The following CYSLTR2 variants were observed in gnomAD, a reference collection of about 807,000 sequenced individuals.
CYSLTR2 encodes the protein cysteinyl leukotriene receptor 2, also known as G-protein coupled receptor GPCR21.
For missense variants in CYSLTR2, 398 were observed against 411.9 expected, an observed-to-expected ratio of 0.97 and a Z score of 0.29; for synonymous variants, 179 against 160.8, an observed-to-expected ratio of 1.11 and a Z score of -0.86.
Position 48,670,616 on chromosome 13 carries a change from T to C in CYSLTR2, c.-266+16599T>C, listed in dbSNP as rs145374769. 6.1e-3 allele frequency among the ~76,000 whole-genome samples: 923 copies of C among 152,342 alleles called. 12 individuals are homozygous for C. The highest frequency in any genetic ancestry group is 0.021 in the African/African-American group (859 of 41,568). The stretch of plus-strand genomic sequence containing the variant: ...TGTGTGGTGTTATTTCTGAGGCCTA[T>C]GTTCTGTTCCATTGGTCTATACATC... On this transcript the variant is annotated intron_variant, in intron 1 of 4. Coordinates refer to ENST00000682523, the MANE Select transcript of CYSLTR2 (RefSeq NM_001308476.3).
At chr13:48,683,020 G>T (rs1173979765) in intron 1 of CYSLTR2, among the ~76,000 whole-genome samples, 6 of 151,976 alleles carry the variant, frequency 3.9e-5, no homozygotes. Flanking sequence ...AAGGATAATG[G>T]CCCCCAGCTC....
At chr13:48,673,603 G>A (rs1052719017) in intron 1 of CYSLTR2, among the ~76,000 whole-genome samples, 4 of 151,788 alleles carry the variant, frequency 2.6e-5, no homozygotes, top group East Asian at 1.9e-4. Context: ...CTTTTAATTG[G>A]GGCATTTAGC....
rs142411394 is a variant in CYSLTR2, at chr13:48,668,771, C to T, written c.-266+14754C>T. Among the ~76,000 whole-genome samples, 987 of 152,086 alleles carry T rather than the reference C, an allele frequency of 6.5e-3. 16 individuals carry two copies. Among genetic ancestry groups the T allele is most frequent in the African/African-American group, 0.022 (918 of 41,488 alleles). On this transcript the variant is annotated intron_variant, in intron 1 of 4. Coordinates refer to ENST00000682523, the MANE Select transcript of CYSLTR2 (RefSeq NM_001308476.3). ...ATCCCTCCCCTTGTCCCCCAACCCC[C>T]GACAGGCTCTGATGTGTGATGTTCC...
At chr13:48,699,161 G>A (rs556189956) in intron 4 of CYSLTR2, among the ~76,000 whole-genome samples, 10 of 152,198 alleles carry the variant, frequency 6.6e-5, no homozygotes, top group East Asian at 1.9e-4. Flanking sequence ...TCAGCTCTGC[G>A]CAAAGTGAAC....
chr13:48,702,449 T>C (rs553627494), intron 4 of CYSLTR2, among the ~76,000 whole-genome samples: 4 of 152,270 alleles, frequency 2.6e-5, no homozygotes, highest in African/African-American at 9.6e-5. Context: ...ATGAAGTCCA[T>C]GCTGCATTTT....
intron 4 of CYSLTR2, among the ~76,000 whole-genome samples, chr13:48,699,278 C>A (rs1954278428): frequency 6.6e-6 from 1 of 152,180 alleles, no homozygotes; most frequent in African/African-American, 2.4e-5. Flanking sequence ...GGAAGTAAAG[C>A]ACTCCTCAGC....
At chr13:48,669,462 G>A (rs554846209) in intron 1 of CYSLTR2, among the ~76,000 whole-genome samples, 1 of 151,382 alleles carries the variant, frequency 6.6e-6, no homozygotes, top group South Asian at 2.1e-4. Flanking sequence ...AGTGTGTGAT[G>A]TTCCCCTCCC....
intron 1 of CYSLTR2, among the ~76,000 whole-genome samples, chr13:48,654,251 TTGTGTGTGTGTGTGTGTGTGTGTGTG>T (rs372575519): frequency 5.4e-5 from 7 of 129,308 alleles, no homozygotes; most frequent in Admixed American, 1.6e-4. Context: ...GATCGTCCCT[TTGTGTGTGTGTGTGTGTGTGTGTGTG>T]TGTGTGTGTG....
intron 4 of CYSLTR2, among the ~76,000 whole-genome samples, chr13:48,702,880 G>A (rs140768537): frequency 4.9e-4 from 74 of 152,166 alleles, no homozygotes; most frequent in Non-Finnish European, 9.0e-4. Flanking sequence ...ATAAATCTGG[G>A]GAGAATTGAC....
intron 1 of CYSLTR2, among the ~76,000 whole-genome samples, chr13:48,679,276 TCCC>T (rs1267846989): frequency 6.6e-6 from 1 of 152,106 alleles, no homozygotes; most frequent in African/African-American, 2.4e-5. Flanking sequence ...GTGTGGCCCC[TCCC>T]CTGCATTCTC....
Position 48,711,120 on chromosome 13 carries a change from G to T in CYSLTR2, c.*3262G>T, listed in dbSNP as rs1954619801. On this transcript the variant is annotated 3_prime_UTR_variant, in exon 5 of 5. Transcript: ENST00000682523. ...CCTCTATGGAGAAGCTGGGGTGGGA[G>T]GATAGGGTGGGGACTTATTTTACGA... 1 of 152,136 alleles carries T rather than the reference G, an allele frequency of 6.6e-6. No individual in the cohort carries two copies. The highest frequency in any genetic ancestry group is 2.4e-5 in the African/African-American group (1 of 41,418). The allele number at this position is 152,136 out of a possible 1,614,324, so 9.4% of individuals were successfully genotyped here.
intron 1 of CYSLTR2, among the ~76,000 whole-genome samples, chr13:48,668,084 T>C (rs1478112810): frequency 6.6e-6 from 1 of 152,190 alleles, no homozygotes; most frequent in East Asian, 1.9e-4. Context: ...CAGAATAGGG[T>C]ATGCAAAATC....
chr13:48,707,688 C>A lies in CYSLTR2; in HGVS notation c.871C>A (p.Leu291Met). Residue 291 changes from leucine to methionine, a missense_variant, in exon 5 of 5, where the codon CTG becomes ATG. Leu to Met is a conservative substitution (Grantham distance 15, BLOSUM62 2). Transcript: ENST00000682523. Reference sequence around the variant, plus strand: ...ACTGCATAAAGCTTTGGTTATCACACTGGCCTTGGCAGCAGCCAATGCCTG... The same window carrying A: ...ACTGCATAAAGCTTTGGTTATCACAATGGCCTTGGCAGCAGCCAATGCCTG... ...DRLHKALVIT[L>M]ALAAANACFN... The A allele has an allele frequency of 6.2e-7, 1 of 1,613,912 alleles. No homozygotes were observed. Among genetic ancestry groups the A allele is most frequent in the South Asian group, 1.1e-5 (1 of 91,076 alleles).
At position 48,685,006 on chromosome 13, in the gene CYSLTR2, C is replaced by T. The variant is rs374998802; in HGVS notation, c.-265-6206C>T. The stretch of plus-strand genomic sequence containing the variant: ...AGGAGGGATTCTTCCCCAGAGCCTT[C>T]GAAGGAAGCACAGCCCTGCTGTATT... On this transcript the variant is annotated intron_variant, in intron 1 of 4. Coordinates refer to ENST00000682523, the MANE Select transcript of CYSLTR2 (RefSeq NM_001308476.3). Among the ~76,000 whole-genome samples the T allele has an allele frequency of 2.5e-4, 38 of 152,272 alleles. No homozygotes were observed. In the East Asian group the frequency reaches 3.3e-3, roughly 13 times the overall value.
At chr13:48,705,614 T>A in intron 4 of CYSLTR2, among the ~76,000 whole-genome samples, 1 of 148,490 alleles carries the variant, frequency 6.7e-6, no homozygotes, top group Middle Eastern at 3.6e-3. Flanking sequence ...ATAATATATA[T>A]GTATATAAAG....
rs979274508 is a variant in CYSLTR2, at chr13:48,710,524, T to C, written c.*2666T>C. 3 of 152,204 alleles carry C rather than the reference T, an allele frequency of 2.0e-5. No individual in the cohort carries two copies. In the East Asian group the frequency reaches 5.8e-4, roughly 29 times the overall value. 9.4% of individuals were successfully genotyped at this position (152,204 alleles called of 1,614,324 possible). ...GATACACCAAAGAGAAGCTGTAAAGTGCTTCCTCTAACAGAAAATGTGAAA... is the reference window on the plus strand; with the variant it reads ...GATACACCAAAGAGAAGCTGTAAAGCGCTTCCTCTAACAGAAAATGTGAAA... On this transcript the variant is annotated 3_prime_UTR_variant, in exon 5 of 5. Transcript: ENST00000682523.
At chr13:48,690,237 C>A (rs768976595) in intron 1 of CYSLTR2, among the ~76,000 whole-genome samples, 6 of 151,986 alleles carry the variant, frequency 3.9e-5, no homozygotes, top group Admixed American at 3.9e-4. Flanking sequence ...ATTTGGATAC[C>A]CTTTATTTCT....
intron 3 of CYSLTR2, among the ~76,000 whole-genome samples, chr13:48,696,277 G>A (rs1954184495): frequency 6.6e-6 from 1 of 152,112 alleles, no homozygotes; most frequent in South Asian, 2.1e-4. Context: ...ATATTCAAGA[G>A]TTCTTTATAT....
chr13:48,707,300 C>T lies in CYSLTR2; in HGVS notation c.483C>T (p.Ile161=). 5 of 1,614,028 alleles carry T rather than the reference C, an allele frequency of 3.1e-6. No individual in the cohort carries two copies. The South Asian group carries it at 5.5e-5, about 18-fold the overall frequency. Reference sequence around the variant, plus strand: ...GGAGTGCCTGGATCCTCTGTGGGATCATATGGATCCTTATCATGGCTTCCT... The same window carrying T: ...GGAGTGCCTGGATCCTCTGTGGGATTATATGGATCCTTATCATGGCTTCCT... ...SIRSAWILCG[I]IWILIMASSI... is the part of the protein sequence containing the mutation. The change falls in exon 5 of 5, where the codon ATC becomes ATT. Residue 161 remains isoleucine, a synonymous_variant. Transcript: ENST00000682523.
Sources: gnomAD v4.1 joint callset for allele counts (sites outside exome capture counted in the v4.1 genomes callset) on GRCh38, gnomAD v4.1.1 for gene constraint, MANE v1.5 for transcripts, NCBI Gene and HGNC (gene_info 2026-07-23, HGNC 2026-07-21) for gene names.